The following ROBO2 variants were observed in gnomAD, a reference collection of about 807,000 sequenced individuals.
The protein encoded by ROBO2 is roundabout guidance receptor 2.
Under a neutral mutation model 160.8 loss-of-function variants are expected in ROBO2, and 53 were observed. That is an observed-to-expected ratio of 0.33 (90% CI 0.26 to 0.41). ROBO2 has a LOEUF of 0.41. Ranked by LOEUF, ROBO2 falls within the 10% of genes least tolerant of loss-of-function variation. The pLI is 1.00. For missense variants in ROBO2, 1,577 were observed against 1,722.4 expected (o/e 0.92, Z 1.49); for synonymous variants, 664 against 611.7 (o/e 1.09, Z -1.26).
rs536348604 is a variant in ROBO2, at chr3:77,373,108, T to A, written c.389-104306T>A. ...ATAAAATAATTAAAATATAATATTTTAAAATTATTATAAAAGTTATAAAAT... is the reference window on the plus strand; with the variant it reads ...ATAAAATAATTAAAATATAATATTTAAAAATTATTATAAAAGTTATAAAAT... On this transcript the variant is annotated intron_variant, in intron 2 of 25. Transcript: ENST00000461745. 2.1e-3 allele frequency among the ~76,000 whole-genome samples: 313 copies of A among 146,898 alleles called. 1 individual carries two copies. Among genetic ancestry groups the A allele is most frequent in the African/African-American group, 7.3e-3 (298 of 40,818 alleles).
At chr3:76,889,428 A>G (rs1007212856) in intron 2 of ROBO2, among the ~76,000 whole-genome samples, 1 of 152,192 alleles carries the variant, frequency 6.6e-6, no homozygotes, top group African/African-American at 2.4e-5. Context: ...GATGATTCCT[A>G]TTTTAGGAAG....
chr3:76,726,580 C>T (rs951584779), intron 2 of ROBO2, among the ~76,000 whole-genome samples: 1 of 152,146 alleles, frequency 6.6e-6, no homozygotes, highest in Non-Finnish European at 1.5e-5. Context: ...CCTCCACCAA[C>T]TCTGTAAGGT....
chr3:75,945,299 A>G (rs1948237500), intron 2 of ROBO2, among the ~76,000 whole-genome samples: 3 of 152,144 alleles, frequency 2.0e-5, no homozygotes, highest in Admixed American at 2.0e-4. Context: ...TTAATTGGAT[A>G]GTCAAGAAAG....
At chr3:77,349,575 A>G (rs1395058558) in intron 2 of ROBO2, among the ~76,000 whole-genome samples, 1 of 152,188 alleles carries the variant, frequency 6.6e-6, no homozygotes, top group Non-Finnish European at 1.5e-5. Flanking sequence ...ATGGTTTAAC[A>G]TTTCCAAAGA....
chr3:77,452,493 C>G (rs113753751), intron 2 of ROBO2, among the ~76,000 whole-genome samples: 5 of 152,078 alleles, frequency 3.3e-5, no homozygotes, highest in Non-Finnish European at 5.9e-5. Flanking sequence ...CATTCCAATC[C>G]CCCAGGTACC....
At chr3:76,020,984 G>A (rs542674519) in intron 2 of ROBO2, among the ~76,000 whole-genome samples, 9 of 151,882 alleles carry the variant, frequency 5.9e-5, no homozygotes, top group East Asian at 1.9e-4. Flanking sequence ...CTTTACTTAT[G>A]TTTTACTGAA....
chr3:77,030,702 C>G (rs868403675), intron 2 of ROBO2, among the ~76,000 whole-genome samples: 1 of 152,308 alleles, frequency 6.6e-6, no homozygotes, highest in Non-Finnish European at 1.5e-5. Flanking sequence ...ATACTGCCAA[C>G]TCTTCCATAA....
intron 2 of ROBO2, among the ~76,000 whole-genome samples, chr3:76,167,895 A>G (rs895824327): frequency 1.3e-5 from 2 of 152,158 alleles, no homozygotes; most frequent in African/African-American, 4.8e-5. Context: ...ACTCTGCATC[A>G]GTGTGTAAGG....
At chr3:76,661,789 T>A (rs1406740268) in intron 2 of ROBO2, among the ~76,000 whole-genome samples, 1 of 152,162 alleles carries the variant, frequency 6.6e-6, no homozygotes, top group Non-Finnish European at 1.5e-5. Flanking sequence ...CTTATCACCT[T>A]AAAAGGTGTT....
Position 76,642,540 on chromosome 3 carries a change from C to T in ROBO2, c.110-455474C>T, listed in dbSNP as rs182069212. ...GCCAATTTTGTATTTTTAGTAGACA[C>T]GGGGTTTCTGCATGTTGGTCAGCCT... is the stretch of plus-strand genomic sequence containing the variant. On this transcript the variant is annotated intron_variant, in intron 2 of 26. Transcript: ENST00000487694. Among the ~76,000 whole-genome samples the T allele has an allele frequency of 1.7e-3, 257 of 151,660 alleles. 1 individual carries two copies. Among genetic ancestry groups the T allele is most frequent in the African/African-American group, 5.0e-3 (208 of 41,328 alleles).
chr3:76,572,298 C>T (rs547836965), intron 2 of ROBO2, among the ~76,000 whole-genome samples: 2 of 152,152 alleles, frequency 1.3e-5, no homozygotes, highest in South Asian at 2.1e-4. Flanking sequence ...AGCTTCAGAC[C>T]GGATACCTTT....
intron 2 of ROBO2, among the ~76,000 whole-genome samples, chr3:76,817,833 T>C (rs200147551): frequency 0.1 from 15,129 of 150,756 alleles, 834 homozygotes; most frequent in South Asian, 0.12. Context: ...ATTCCTTTTT[T>C]TTTTTTTTTT....
At chr3:76,364,608 T>C (rs2075706017) in intron 2 of ROBO2, among the ~76,000 whole-genome samples, 1 of 152,124 alleles carries the variant, frequency 6.6e-6, no homozygotes, top group South Asian at 2.1e-4. Flanking sequence ...TAGTATTATT[T>C]GTTTTATTAT....
In ROBO2 at chr3:76,799,516, C is replaced by A. The variant is rs536868414; in HGVS notation, c.110-298498C>A. Among the ~76,000 whole-genome samples the A allele has an allele frequency of 2.6e-3, 366 of 140,538 alleles. 2 individuals are homozygous for A. The highest frequency in any genetic ancestry group is 8.5e-3 in the African/African-American group (338 of 39,836). 92.2% of individuals were successfully genotyped at this position (140,538 alleles called of 152,430 possible). On this transcript the variant is annotated intron_variant, in intron 2 of 26. Transcript: ENST00000487694. ...AATATTAGATCTGACAAAAAAAAAA[C>A]CCAGTAAAGTGGCAGGATACAAAAT...
intron 2 of ROBO2, among the ~76,000 whole-genome samples, chr3:76,680,217 C>T (rs371870587): frequency 2.0e-5 from 3 of 152,118 alleles, no homozygotes; most frequent in East Asian, 3.9e-4. Context: ...AAAATGCCGA[C>T]GCTTACTTAG....
chr3:76,955,970 G>A (rs959735806), intron 2 of ROBO2, among the ~76,000 whole-genome samples: 1 of 151,208 alleles, frequency 6.6e-6, no homozygotes, highest in Non-Finnish European at 1.5e-5. Flanking sequence ...TCAGTGGAAT[G>A]TGGCCTTAAC....
intron 2 of ROBO2, among the ~76,000 whole-genome samples, chr3:75,947,154 G>A (rs1948334651): frequency 6.6e-6 from 1 of 152,130 alleles, no homozygotes; most frequent in Non-Finnish European, 1.5e-5. Flanking sequence ...GATGACATGA[G>A]GAAGTTTGCA....
chr3:76,011,938 C>G (rs932238525), intron 2 of ROBO2, among the ~76,000 whole-genome samples: 1 of 152,106 alleles, frequency 6.6e-6, no homozygotes, highest in Non-Finnish European at 1.5e-5. Context: ...CCCAGTGACT[C>G]GATGCAATCA....
chr3:76,456,305 T>A (rs1477925584), intron 2 of ROBO2, among the ~76,000 whole-genome samples: 1 of 152,218 alleles, frequency 6.6e-6, no homozygotes, highest in East Asian at 1.9e-4. Flanking sequence ...CAGGTAGAAA[T>A]TTAATGACAT....
Sources: allele counts gnomAD v4.1 joint callset (sites outside exome capture counted in the v4.1 genomes callset), GRCh38; gene constraint gnomAD v4.1.1; transcripts MANE v1.5; gene names NCBI Gene and HGNC (gene_info 2026-07-23, HGNC 2026-07-21).